VEGFC: variants seen among roughly 807,000 people sequenced by gnomAD.
The protein encoded by VEGFC is vascular endothelial growth factor C.
A neutral mutation model predicts 46.1 loss-of-function variants in VEGFC; 12 were observed. The observed-to-expected ratio is 0.26, with a 90% confidence interval of 0.17 to 0.42. VEGFC has a LOEUF of 0.42. Ranked by LOEUF, VEGFC falls within the 10% of genes least tolerant of loss-of-function variation. The pLI is 1.00. For missense variants in VEGFC, 488 were observed against 529.4 expected, an observed-to-expected ratio of 0.92 and a Z score of 0.77; for synonymous variants, 232 against 195.5, an observed-to-expected ratio of 1.19 and a Z score of -1.56.
intron 1 of VEGFC, among the ~76,000 whole-genome samples, chr4:176,736,323 T>C (rs1277436566): frequency 6.6e-6 from 1 of 151,820 alleles, no homozygotes; most frequent in Non-Finnish European, 1.5e-5. Context: ...TATATAACTT[T>C]AAATAACTAC....
chr4:176,703,768 A>T (rs2110989980), intron 4 of VEGFC, among the ~76,000 whole-genome samples: 1 of 152,214 alleles, frequency 6.6e-6, no homozygotes, highest in Admixed American at 6.5e-5. Context: ...ATCAACTAAA[A>T]AACAATAAAA....
rs184082967 is a variant in VEGFC at position 176,715,818 on chromosome 4, G to A, written c.553-4168C>T. Reference sequence around the variant, plus strand: ...GAAGTGCATTATAAACTTGCATGGCGCCCTCCCAAAATAAATACATAACAT... The same window carrying A: ...GAAGTGCATTATAAACTTGCATGGCACCCTCCCAAAATAAATACATAACAT... On this transcript the variant is annotated intron_variant, in intron 3 of 6. Coordinates refer to ENST00000618562, the MANE Select transcript of VEGFC (RefSeq NM_005429.5). Among the ~76,000 whole-genome samples, 21 of 152,064 alleles carry A rather than the reference G, an allele frequency of 1.4e-4. No homozygotes were observed. The East Asian group carries it at 1.9e-3, about 14-fold the overall frequency.
chr4:176,734,985 A>C (rs1735029678), intron 1 of VEGFC, among the ~76,000 whole-genome samples: 1 of 151,658 alleles, frequency 6.6e-6, no homozygotes, highest in Admixed American at 6.6e-5. Flanking sequence ...GGCAAAGCAA[A>C]TGTTTCTGAT....
chr4:176,750,600 A>G (rs997332850), intron 1 of VEGFC, among the ~76,000 whole-genome samples: 1 of 151,662 alleles, frequency 6.6e-6, no homozygotes, highest in African/African-American at 2.4e-5. Flanking sequence ...GCATACCTAA[A>G]CCCTTCAGGG....
chr4:176,744,980 T>A (rs545343956), intron 1 of VEGFC, among the ~76,000 whole-genome samples: 1 of 152,108 alleles, frequency 6.6e-6, no homozygotes, highest in African/African-American at 2.4e-5. Context: ...CCTTGATAAC[T>A]GGGTCCCAGC....
chr4:176,791,207 T>C (rs1297189564), intron 1 of VEGFC, among the ~76,000 whole-genome samples: 1 of 152,188 alleles, frequency 6.6e-6, no homozygotes, highest in Non-Finnish European at 1.5e-5. Context: ...TGAAATAAAC[T>C]ACCGCAGTAT....
intron 4 of VEGFC, among the ~76,000 whole-genome samples, chr4:176,698,763 T>C (rs756530343): frequency 2.6e-5 from 4 of 152,192 alleles, no homozygotes; most frequent in South Asian, 2.1e-4. Flanking sequence ...TCTGTATCTA[T>C]GAATTCTACT....
intron 1 of VEGFC, among the ~76,000 whole-genome samples, chr4:176,767,123 T>TAAAAAAAAAAAAAAAAAAAAAAAA (rs70964805): frequency 2.0e-5 from 1 of 50,478 alleles, no homozygotes; most frequent in Non-Finnish European, 3.5e-5. Flanking sequence ...TGTAGAAATC[T>TAAAAAAAAAAAAAAAAAAAAAAAA]AAAAAAAAAA....
intron 1 of VEGFC, among the ~76,000 whole-genome samples, chr4:176,790,369 G>A (rs1420588966): frequency 6.6e-6 from 1 of 152,154 alleles, no homozygotes. Flanking sequence ...AATATGAAAA[G>A]CGACATTTGC....
rs1013256951 is a variant in VEGFC at position 176,777,309 on chromosome 4, T to C, written c.147+14856A>G. 2.6e-5 allele frequency among the ~76,000 whole-genome samples: 4 copies of C among 152,268 alleles called. No individual in the cohort carries two copies. The East Asian group carries it at 5.8e-4, about 22-fold the overall frequency. ...TCCAGCCTGGCCGAGACAGCGAGAC[T>C]CCGTCTCAAACAAACAAACAAAAAA... On this transcript the variant is annotated intron_variant, in intron 1 of 6. Transcript: ENST00000618562.
At chr4:176,774,468 C>T (rs748139687) in intron 1 of VEGFC, among the ~76,000 whole-genome samples, 1 of 152,186 alleles carries the variant, frequency 6.6e-6, no homozygotes, top group Non-Finnish European at 1.5e-5. Flanking sequence ...ATGCTAATTA[C>T]ACAGTCTATG....
Position 176,729,627 on chromosome 4 carries a change from G to A in VEGFC, c.267C>T (p.Gly89=), listed in dbSNP as rs551187496. 9.9e-6 allele frequency: 16 copies of A among 1,613,796 alleles called. No homozygotes were observed. In the African/African-American group the frequency reaches 2.0e-4, roughly 20 times the overall value. The part of the protein sequence containing the change: ...KMYKCQLRKG[G]WQHNREQANL... ...TGGCCTGTTCTCTGTTATGTTGCCAGCCTCCTTTCCTTAGCTGACACTTGT... is the reference window on the plus strand; with the variant it reads ...TGGCCTGTTCTCTGTTATGTTGCCAACCTCCTTTCCTTAGCTGACACTTGT... Residue 89 remains glycine (G), a synonymous_variant, in exon 2 of 7, where the codon GGC becomes GGT. Transcript: ENST00000618562.
chr4:176,693,164 C>T lies in VEGFC; in HGVS notation c.705-5237G>A, dbSNP rs569661759. ...CGAGCTGCGAGAAGAAGGCTTCAGACGATCAAATTACTCTGAGCTACAGGA... is the reference window on the plus strand; with the variant it reads ...CGAGCTGCGAGAAGAAGGCTTCAGATGATCAAATTACTCTGAGCTACAGGA... On this transcript the variant is annotated intron_variant, in intron 4 of 6. Transcript: ENST00000618562. 1.9e-3 allele frequency among the ~76,000 whole-genome samples: 289 copies of T among 151,662 alleles called. 2 individuals are homozygous for T. The highest frequency in any genetic ancestry group is 5.2e-3 in the African/African-American group (216 of 41,198).
At chr4:176,770,985 C>CACACACAA (rs1043802882) in intron 1 of VEGFC, among the ~76,000 whole-genome samples, 15 of 151,454 alleles carry the variant, frequency 9.9e-5, no homozygotes, top group African/African-American at 3.6e-4. Context: ...CTGATACACA[C>CACACACAA]ACACACACAC....
At chr4:176,698,496 T>C (rs968839244) in intron 4 of VEGFC, among the ~76,000 whole-genome samples, 4 of 152,138 alleles carry the variant, frequency 2.6e-5, no homozygotes, top group Admixed American at 6.6e-5. Flanking sequence ...ATATAAGGTA[T>C]ACAAAGTGAT....
chr4:176,696,849 T>A (rs1734324029), intron 4 of VEGFC, among the ~76,000 whole-genome samples: 1 of 152,146 alleles, frequency 6.6e-6, no homozygotes, highest in African/African-American at 2.4e-5. Flanking sequence ...AACAATCTGA[T>A]CTTTGACAAA....
intron 1 of VEGFC, among the ~76,000 whole-genome samples, chr4:176,755,748 A>T (rs1735422267): frequency 6.6e-6 from 1 of 152,074 alleles, no homozygotes; most frequent in Non-Finnish European, 1.5e-5. Context: ...TATCACTATG[A>T]ATATTCAACC....
chr4:176,753,215 G>C (rs1349057385), intron 1 of VEGFC, among the ~76,000 whole-genome samples: 1 of 152,038 alleles, frequency 6.6e-6, no homozygotes, highest in Non-Finnish European at 1.5e-5. Flanking sequence ...GTCTATTTTG[G>C]GGAGGGCCAG....
chr4:176,768,398 ACCAC>A (rs757185617), intron 1 of VEGFC, among the ~76,000 whole-genome samples: 26 of 151,342 alleles, frequency 1.7e-4, no homozygotes, highest in East Asian at 1.4e-3. Context: ...GGATGGAGTA[ACCAC>A]CACTGAGGTA....
Sources: gnomAD v4.1 joint callset for allele counts (sites outside exome capture counted in the v4.1 genomes callset) on GRCh38, gnomAD v4.1.1 for gene constraint, MANE v1.5 for transcripts, NCBI Gene and HGNC (gene_info 2026-07-23, HGNC 2026-07-21) for gene names.